GAB2: variants seen among roughly 807,000 people sequenced by gnomAD.
GAB2 encodes the protein GRB2-associated-binding protein 2.
A neutral mutation model predicts 65.5 loss-of-function variants in GAB2; 26 were observed. That is an observed-to-expected ratio of 0.40 (90% CI 0.29 to 0.55). The LOEUF is 0.55. Among genes scored for constraint, GAB2 ranks in the 20% least tolerant of loss-of-function variants. The pLI, the probability that GAB2 is intolerant of heterozygous loss-of-function variation, is 0.53. For synonymous variants in GAB2, 321 were observed against 329.6 expected (o/e 0.97, Z 0.28); for missense variants, 884 against 875.8 (o/e 1.01, Z -0.12).
chr11:78,390,654 T>C (rs1567890), intron 1 of GAB2, among the ~76,000 whole-genome samples: 24,279 of 152,086 alleles, frequency 0.16, 2,581 homozygotes, highest in East Asian at 0.41. Context: ...ATAGAGACTT[T>C]GAGACAGATG....
rs762392998 is a variant in GAB2 at position 78,222,094 on chromosome 11, T to A, written c.1658+11A>T. ...GACTCCAAGCTCCCACCCCCACACA[T>A]ACGCACTTACTTGGCCCTAGACCAA... On this transcript the variant is annotated intron_variant, in intron 7 of 9. Transcript: ENST00000361507. 17 of 1,571,558 alleles carry A rather than the reference T, an allele frequency of 1.1e-5. No individual in the cohort carries two copies. In the Admixed American group the frequency reaches 1.5e-4, roughly 14 times the overall value.
chr11:78,315,314 G>A (rs947123808), intron 1 of GAB2, among the ~76,000 whole-genome samples: 3 of 152,078 alleles, frequency 2.0e-5, no homozygotes, highest in Non-Finnish European at 4.4e-5. Context: ...AACTGCCAAG[G>A]ATAGCAAGAA....
intron 1 of GAB2, among the ~76,000 whole-genome samples, chr11:78,402,198 T>C (rs1289639837): frequency 6.6e-6 from 1 of 152,180 alleles, no homozygotes; most frequent in African/African-American, 2.4e-5. Context: ...GTGTATGTCC[T>C]TGCCACCTTG....
intron 3 of GAB2, among the ~76,000 whole-genome samples, chr11:78,233,434 G>A (rs2510039): frequency 0.16 from 23,773 of 152,004 alleles, 2,368 homozygotes; most frequent in East Asian, 0.4. Context: ...CTATTCATGT[G>A]GTTACTGGAC....
At chr11:78,393,134 G>A (rs773909397) in intron 1 of GAB2, among the ~76,000 whole-genome samples, 7 of 152,178 alleles carry the variant, frequency 4.6e-5, no homozygotes, top group Non-Finnish European at 8.8e-5. Context: ...GACATTTGAG[G>A]CAGGCCTTGA....
At chr11:78,262,723 T>A (rs1215995524) in intron 2 of GAB2, among the ~76,000 whole-genome samples, 2 of 152,228 alleles carry the variant, frequency 1.3e-5, no homozygotes, top group African/African-American at 4.8e-5. Flanking sequence ...TCTAGGTTTT[T>A]AAAATTGCAG....
Position 78,336,326 on chromosome 11 carries a change from C to CAA in GAB2, c.76-55427_76-55426dup, listed in dbSNP as rs71046966. On this transcript the variant is annotated intron_variant, in intron 1 of 9. Coordinates refer to ENST00000361507, the MANE Select transcript of GAB2 (RefSeq NM_080491.3). ...CGGGCGACAGAGCGAGACTGTCTCT[C>CAA]AAAAAAAAAAAAAAAAAAAAAAAAA... 3.3e-3 allele frequency among the ~76,000 whole-genome samples: 63 copies of CAA among 19,252 alleles called. 17 individuals are homozygous for CAA. Among genetic ancestry groups the CAA allele is most frequent in the South Asian group, 9.6e-3 (2 of 208 alleles). 12.6% of individuals were successfully genotyped at this position (19,252 alleles called of 152,430 possible).
chr11:78,240,811 CCTG>C (rs1403370469), intron 3 of GAB2, among the ~76,000 whole-genome samples: 6 of 152,174 alleles, frequency 3.9e-5, no homozygotes, highest in Non-Finnish European at 7.4e-5. Context: ...TGGCCCCTGA[CCTG>C]AGCTGATAGA....
intron 1 of GAB2, among the ~76,000 whole-genome samples, chr11:78,408,972 A>G (rs1239636609): frequency 1.3e-5 from 2 of 152,214 alleles, no homozygotes; most frequent in African/African-American, 4.8e-5. Flanking sequence ...GTAGTTCTTT[A>G]CAGCAGTGCG....
intron 3 of GAB2, among the ~76,000 whole-genome samples, chr11:78,236,952 T>C (rs2450125): frequency 6.6e-6 from 1 of 152,228 alleles, no homozygotes; most frequent in South Asian, 2.1e-4. Flanking sequence ...GCTAATCCTT[T>C]GTTTTTAAAG....
In GAB2 at chr11:78,245,866, T is replaced by C. The variant is rs140733231; in HGVS notation, c.620+4291A>G. Among the ~76,000 whole-genome samples the C allele has an allele frequency of 4.6e-3, 695 of 152,348 alleles. 4 individuals are homozygous for C. The highest frequency in any genetic ancestry group is 0.016 in the African/African-American group (674 of 41,590). On this transcript the variant is annotated intron_variant, in intron 3 of 9. Transcript: ENST00000361507. Reference sequence around the variant, plus strand: ...TATTTTTCCTTTATCTGAGAACGTCTTAATTTTGTTTACATTCCCAAAGGA... The same window carrying C: ...TATTTTTCCTTTATCTGAGAACGTCCTAATTTTGTTTACATTCCCAAAGGA...
chr11:78,320,725 C>CTTTTTTTTTTTTTTTTTTTTTTTGT (rs72241707), intron 1 of GAB2, among the ~76,000 whole-genome samples: 1 of 102,498 alleles, frequency 9.8e-6, no homozygotes, highest in African/African-American at 3.8e-5. Flanking sequence ...TAATTTTTGC[C>CTTTTTTTTTTTTTTTTTTTTTTTGT]TTTTTTTTTT....
chr11:78,348,175 A>G (rs1856220358), intron 1 of GAB2, among the ~76,000 whole-genome samples: 1 of 152,162 alleles, frequency 6.6e-6, no homozygotes, highest in South Asian at 2.1e-4. Context: ...CAGAAGAGGT[A>G]GAAGGGGAGG....
chr11:78,394,098 C>T (rs967527409), intron 1 of GAB2, among the ~76,000 whole-genome samples: 1 of 151,858 alleles, frequency 6.6e-6, no homozygotes, highest in Non-Finnish European at 1.5e-5. Flanking sequence ...ACCATCTTGG[C>T]CAACATGGTG....
chr11:78,219,579 G>C (rs1280779717), intron 9 of GAB2, among the ~76,000 whole-genome samples, 164 bp from the exon 10 acceptor site: 3 of 152,140 alleles, frequency 2.0e-5, no homozygotes, highest in Admixed American at 6.5e-5. Context: ...TTCTGAATGT[G>C]GGCTTTAAAG....
chr11:78,227,067 G>T lies in GAB2; in HGVS notation c.621-16C>A, dbSNP rs753913211. ...GCTGGCACTCCTAAAAGAGAAAGAAGGGAAAGGGCAGGAGGGTGAGACAAT... is the reference window on the plus strand; with the variant it reads ...GCTGGCACTCCTAAAAGAGAAAGAATGGAAAGGGCAGGAGGGTGAGACAAT... On this transcript the variant is annotated splice_polypyrimidine_tract_variant and intron_variant, in intron 3 of 9. Transcript: ENST00000361507. 5 of 1,534,894 alleles carry T rather than the reference G, an allele frequency of 3.3e-6. No homozygotes were observed. In the Admixed American group the frequency reaches 5.0e-5, roughly 15 times the overall value.
Position 78,219,426 on chromosome 11 carries a change from A to C in GAB2, c.1888-11T>G, listed in dbSNP as rs201564172. On this transcript the variant is annotated splice_polypyrimidine_tract_variant and intron_variant, in intron 9 of 9. Coordinates refer to ENST00000361507, the MANE Select transcript of GAB2 (RefSeq NM_080491.3). ...GGATGAAGTAGATGGCTGAGGGGAC[A>C]GAGTGGGAAAGAGGGAGTAGCTGTG... The C allele has an allele frequency of 7.4e-6, 12 of 1,613,308 alleles. No individual in the cohort carries two copies. The Middle Eastern group carries it at 1.5e-3, about 200-fold the overall frequency.
chr11:78,414,760 T>C (rs1857172811), intron 1 of GAB2, among the ~76,000 whole-genome samples: 1 of 152,174 alleles, frequency 6.6e-6, no homozygotes, highest in African/African-American at 2.4e-5. Flanking sequence ...CTTAATTAAC[T>C]AGAAAAGGCT....
intron 4 of GAB2, 108 bp from the exon 5 acceptor site, chr11:78,225,310 A>T (rs932035112): frequency 5.9e-6 from 4 of 672,458 alleles, no homozygotes; most frequent in Admixed American, 2.6e-5. Flanking sequence ...TCCAGAAGAT[A>T]CTACTCTCAA....
Sources: gnomAD v4.1 joint callset for allele counts (sites outside exome capture counted in the v4.1 genomes callset) on GRCh38, gnomAD v4.1.1 for gene constraint, MANE v1.5 for transcripts, NCBI Gene and HGNC (gene_info 2026-07-23, HGNC 2026-07-21) for gene names.